The following IQCB1 variants were observed in gnomAD, a reference collection of about 807,000 sequenced individuals.
IQCB1 encodes the protein IQ calmodulin-binding motif-containing protein 1.
Under a neutral mutation model 84.4 loss-of-function variants are expected in IQCB1, and 56 were observed. The ratio of observed to expected loss-of-function variants is 0.66; its 90% confidence interval spans 0.54 to 0.83. IQCB1 has a LOEUF of 0.83. Ranked by LOEUF, IQCB1 falls within the 40% of genes least tolerant of loss-of-function variation. The pLI, the probability that IQCB1 is intolerant of heterozygous loss-of-function variation, is 0.00. For missense variants in IQCB1, 629 were observed against 682.1 expected (o/e 0.92, Z 0.87); for synonymous variants, 210 against 234.8 (o/e 0.89, Z 0.96).
At chr3:121,772,128 T>C (rs1274923824) in intron 14 of IQCB1, among the ~76,000 whole-genome samples, 2 of 151,996 alleles carry the variant, frequency 1.3e-5, no homozygotes, top group African/African-American at 4.8e-5. Context: ...TGAGCCAAGA[T>C]CACACCACTG....
At chr3:121,786,394 G>A (rs987004728) in intron 12 of IQCB1, among the ~76,000 whole-genome samples, 5 of 151,034 alleles carry the variant, frequency 3.3e-5, no homozygotes, top group African/African-American at 1.2e-4. Flanking sequence ...CACTTAGGGA[G>A]GCTGAGGCAG....
intron 5 of IQCB1, among the ~76,000 whole-genome samples, chr3:121,821,510 C>T (rs1409143225): frequency 6.6e-6 from 1 of 152,178 alleles, no homozygotes; most frequent in African/African-American, 2.4e-5. Context: ...CTTTATAGAA[C>T]TTACTTTCCT....
intron 12 of IQCB1, among the ~76,000 whole-genome samples, chr3:121,782,160 C>G (rs1238382896): frequency 6.6e-6 from 1 of 152,190 alleles, no homozygotes; most frequent in Admixed American, 6.5e-5. Context: ...CCCTTATAAA[C>G]TATGATTCTG....
At chr3:121,784,160 C>T (rs1948617133) in intron 12 of IQCB1, among the ~76,000 whole-genome samples, 1 of 149,020 alleles carries the variant, frequency 6.7e-6, no homozygotes. Flanking sequence ...GCTGTTTGAC[C>T]TCCTAGACTG....
rs188435089 is a variant in IQCB1, at chr3:121,830,424, T to C, written c.-12-1452A>G. Among the ~76,000 whole-genome samples, 93 of 152,056 alleles carry C rather than the reference T, an allele frequency of 6.1e-4. 1 individual carries two copies. The East Asian group carries it at 0.016, about 27-fold the overall frequency. On this transcript the variant is annotated intron_variant, in intron 2 of 14. Coordinates refer to ENST00000310864, the MANE Select transcript of IQCB1 (RefSeq NM_001023570.4). ...CTAAAAAAAAAAAGTTTTAAAGCAT[T>C]TGAAGCTCAAAGATATCCTTATATA...
chr3:121,795,419 A>G, intron 10 of IQCB1, 38 bp downstream of exon 10: 1 of 1,016,754 alleles, frequency 9.8e-7, no homozygotes. Flanking sequence ...CTCTAGTAAG[A>G]TTCTATGATC....
At chr3:121,827,628 T>C (rs564032274) in intron 4 of IQCB1, among the ~76,000 whole-genome samples, 1 of 152,160 alleles carries the variant, frequency 6.6e-6, no homozygotes, top group South Asian at 2.1e-4. Flanking sequence ...AAAAAGAATA[T>C]CACATATATT....
chr3:121,805,229 G>A (rs1411706451), intron 7 of IQCB1, among the ~76,000 whole-genome samples: 1 of 152,040 alleles, frequency 6.6e-6, no homozygotes, highest in African/African-American at 2.4e-5. Context: ...CCGTTGAATC[G>A]TAGTATGTTT....
chr3:121,824,257 A>G (rs1576613471), intron 5 of IQCB1, among the ~76,000 whole-genome samples: 1 of 152,140 alleles, frequency 6.6e-6, no homozygotes, highest in Admixed American at 6.6e-5. Context: ...GAAAACTGAG[A>G]CCAGCTACTA....
chr3:121,778,586 CT>C lies in IQCB1; in HGVS notation c.1410+3156del, dbSNP rs527837589. 9.3e-5 allele frequency among the ~76,000 whole-genome samples: 14 copies of C among 151,156 alleles called. No homozygotes were observed. In the East Asian group the frequency reaches 2.5e-3, roughly 27 times the overall value. ...CAGGTACAGAATTCTAGGTTGACAA[CT>C]TTTTTTCCTTTCAGTACTTTAAAGC... On this transcript the variant is annotated intron_variant, in intron 13 of 14. Transcript: ENST00000310864.
chr3:121,817,587 TA>T (rs1950118556), intron 5 of IQCB1, among the ~76,000 whole-genome samples: 1 of 152,164 alleles, frequency 6.6e-6, no homozygotes, highest in Non-Finnish European at 1.5e-5. Context: ...GGTTTTCTAT[TA>T]AAAATGGCTA....
chr3:121,781,663 A>ACAC (rs1553709034), intron 13 of IQCB1, 80 bp downstream of exon 13: 437 of 1,046,118 alleles, frequency 4.2e-4, no homozygotes, highest in Non-Finnish European at 5.9e-4. Context: ...ACACACACAC[A>ACAC]ATATATGTGT....
At chr3:121,815,928 CA>C (rs36019026) in intron 5 of IQCB1, among the ~76,000 whole-genome samples, 24,539 of 88,822 alleles carry the variant, frequency 0.28, 1,464 homozygotes, top group Non-Finnish European at 0.31. Flanking sequence ...CATGTGGAAC[CA>C]AAAAAAAAAA....
chr3:121,815,608 C>A (rs1353194618), intron 5 of IQCB1, among the ~76,000 whole-genome samples: 1 of 152,030 alleles, frequency 6.6e-6, no homozygotes, highest in African/African-American at 2.4e-5. Flanking sequence ...TCCTATACAC[C>A]AATGATAGAC....
Position 121,810,491 on chromosome 3 carries a change from ATAT to A in IQCB1, c.394-1485_394-1483del, listed in dbSNP as rs1208852947. Among the ~76,000 whole-genome samples, 4 of 152,040 alleles carry A rather than the reference ATAT, an allele frequency of 2.6e-5. No homozygotes were observed. In the East Asian group the frequency reaches 5.8e-4, roughly 22 times the overall value. On this transcript the variant is annotated intron_variant, in intron 5 of 14. Coordinates refer to ENST00000310864, the MANE Select transcript of IQCB1 (RefSeq NM_001023570.4). ...AAATACAATAATAAAGGACAGAAAA[ATAT>A]TATGAAAAGTATTAAGGATTCTATA...
At chr3:121,807,030 T>C (rs1949621051) in intron 7 of IQCB1, among the ~76,000 whole-genome samples, 1 of 152,016 alleles carries the variant, frequency 6.6e-6, no homozygotes, top group Non-Finnish European at 1.5e-5. Flanking sequence ...TCACACTAAT[T>C]CTCTTCTTTA....
intron 5 of IQCB1, among the ~76,000 whole-genome samples, chr3:121,823,264 T>C (rs1950340180): frequency 6.6e-6 from 1 of 152,072 alleles, no homozygotes; most frequent in African/African-American, 2.4e-5. Context: ...GTAGAGAGAA[T>C]AGGGCAAACA....
intron 9 of IQCB1, 63 bp downstream of exon 9, chr3:121,797,055 G>T: frequency 1.2e-6 from 1 of 858,654 alleles, no homozygotes; most frequent in Non-Finnish European, 2.0e-6. Flanking sequence ...AACATTTAAG[G>T]AAAACTAAGG....
chr3:121,770,352 G>C lies in IQCB1; in HGVS notation c.1790C>G (p.Pro597Arg). Residue 597 changes from proline to arginine, a missense_variant, in exon 15 of 15, where the codon CCA (proline) becomes CGA (arginine). Physicochemically the swap from Pro to Arg is moderately radical, Grantham distance 103. Transcript: ENST00000310864. ...LENLFIGGTKPP is the reference protein window; with the variant it reads ...LENLFIGGTKRP ...AATTCTTAGGGTTACTCACTAAGGT[G>C]GTTTGGTTCCACCAATGAATAAATT... 6.3e-7 allele frequency: 1 copy of C among 1,597,030 alleles called. No individual in the cohort carries two copies. Among genetic ancestry groups the C allele is most frequent in the Non-Finnish European group, 8.6e-7 (1 of 1,164,590 alleles).
Sources: gnomAD v4.1 joint callset for allele counts (sites outside exome capture counted in the v4.1 genomes callset) on GRCh38, gnomAD v4.1.1 for gene constraint, MANE v1.5 for transcripts, NCBI Gene and HGNC (gene_info 2026-07-23, HGNC 2026-07-21) for gene names.